Variants in PAK1 observed in about 807,000 individuals in gnomAD.
PAK1 encodes the protein p21 (RAC1) activated kinase 1.
PAK1 carries 29 observed loss-of-function variants against 67.4 expected under a neutral mutation model. The ratio of observed to expected loss-of-function variants is 0.43; its 90% CI spans 0.32 to 0.59. The LOEUF (loss-of-function observed/expected upper bound fraction) is 0.59, where lower values mean the gene tolerates loss of function less well. Ranked by LOEUF, PAK1 falls within the 20% of genes least tolerant of loss-of-function variation. The pLI is 0.07. For synonymous variants in PAK1, 223 were observed against 237.4 expected (o/e 0.94, Z 0.56); for missense variants, 337 against 670.7 (o/e 0.50, Z 5.50).
At chr11:77,511,454 T>A in the PAK1 span, among the ~76,000 whole-genome samples, 615 of 152,280 alleles carry the variant, frequency 4.0e-3, 4 homozygotes, top group Admixed American at 6.5e-3. Context: ...CAGCACTAAA[T>A]CTCAGAGATA....
intron 14 of PAK1, among the ~76,000 whole-genome samples, chr11:77,330,739 T>A (rs1207731513): frequency 1.3e-5 from 2 of 152,052 alleles, no homozygotes; most frequent in African/African-American, 4.8e-5. Context: ...GGACTTCATG[T>A]CTAAAACACC....
At chr11:77,381,899 T>G (rs1330494592) in intron 2 of PAK1, among the ~76,000 whole-genome samples, 3 of 152,166 alleles carry the variant, frequency 2.0e-5, no homozygotes, top group African/African-American at 7.2e-5. Context: ...GCAGCTGCTT[T>G]GAGAAAGAGA....
At chr11:77,451,425 C>T (rs188115016) in intron 1 of PAK1, among the ~76,000 whole-genome samples, 17 of 152,282 alleles carry the variant, frequency 1.1e-4, no homozygotes, top group Admixed American at 3.3e-4. Context: ...CATCATACCG[C>T]CTTTGTCCAA....
chr11:77,351,916 C>A (rs1945310307), intron 8 of PAK1, among the ~76,000 whole-genome samples: 1 of 151,584 alleles, frequency 6.6e-6, no homozygotes, highest in East Asian at 1.9e-4. Context: ...TTAATTTGCA[C>A]AAATCTTAAG....
chr11:77,523,582 G>A, the PAK1 span, among the ~76,000 whole-genome samples: 3 of 151,970 alleles, frequency 2.0e-5, no homozygotes, highest in African/African-American at 7.3e-5. Context: ...ACCATGTCTG[G>A]CTAATTTTTG....
At chr11:77,484,691 G>A in the PAK1 span, among the ~76,000 whole-genome samples, 1 of 152,184 alleles carries the variant, frequency 6.6e-6, no homozygotes, top group South Asian at 2.1e-4. Flanking sequence ...AACTTTGTGG[G>A]TGTCAAGAGG....
At chr11:77,342,585 T>G (rs1420194767) in intron 10 of PAK1, among the ~76,000 whole-genome samples, 1 of 152,176 alleles carries the variant, frequency 6.6e-6, no homozygotes, top group African/African-American at 2.4e-5. Context: ...AGGTACTAAC[T>G]TTCAGAGGAT....
the PAK1 span, among the ~76,000 whole-genome samples, chr11:77,524,480 G>A: frequency 6.6e-6 from 1 of 152,162 alleles, no homozygotes; most frequent in African/African-American, 2.4e-5. Flanking sequence ...TCCCTCACCA[G>A]TTTCATTCTT....
intron 1 of PAK1, among the ~76,000 whole-genome samples, chr11:77,423,969 T>C (rs1157426894): frequency 6.6e-6 from 1 of 152,108 alleles, no homozygotes; most frequent in Non-Finnish European, 1.5e-5. Context: ...CTAGTGAAAA[T>C]CAATGTACTG....
At chr11:77,401,733 A>G (rs1031051076) in intron 1 of PAK1, among the ~76,000 whole-genome samples, 1 of 152,144 alleles carries the variant, frequency 6.6e-6, no homozygotes, top group Non-Finnish European at 1.5e-5. Context: ...CACTTCCCCT[A>G]TGAAACCTTC....
the PAK1 span, chr11:77,514,927 G>A: frequency 3.9e-5 from 6 of 152,176 alleles, no homozygotes; most frequent in South Asian, 1.2e-3. Flanking sequence ...CAGACCATCC[G>A]AGGTTTCTCA....
intron 1 of PAK1, among the ~76,000 whole-genome samples, chr11:77,449,661 G>T (rs1181922735): frequency 7.6e-6 from 1 of 131,256 alleles, no homozygotes; most frequent in African/African-American, 2.8e-5. Context: ...TTGCTGGAAT[G>T]AATAATGCTT....
chr11:77,327,394 G>A (rs1448807040), intron 14 of PAK1, among the ~76,000 whole-genome samples: 1 of 152,172 alleles, frequency 6.6e-6, no homozygotes, highest in African/African-American at 2.4e-5. Flanking sequence ...GAAAGGTCGG[G>A]TTACCCACAA....
At chr11:77,447,109 T>C (rs1405526405) in intron 1 of PAK1, among the ~76,000 whole-genome samples, 4 of 152,136 alleles carry the variant, frequency 2.6e-5, no homozygotes, top group Admixed American at 6.5e-5. Context: ...TTTGTTACCT[T>C]TCTATAACAC....
chr11:77,508,321 C>T, the PAK1 span, among the ~76,000 whole-genome samples: 1 of 152,148 alleles, frequency 6.6e-6, no homozygotes, highest in Non-Finnish European at 1.5e-5. Flanking sequence ...TGGTTCAATA[C>T]CAAAACAATT....
At chr11:77,440,928 T>A (rs1331756115) in intron 1 of PAK1, among the ~76,000 whole-genome samples, 4 of 152,176 alleles carry the variant, frequency 2.6e-5, no homozygotes, top group Admixed American at 1.3e-4. Flanking sequence ...CTCCAAAAGC[T>A]AGATGGGCTT....
At chr11:77,392,198 G>C in intron 2 of PAK1, 133 bp downstream of exon 2, 1 of 654,958 alleles carries the variant, frequency 1.5e-6, no homozygotes, top group Non-Finnish European at 2.5e-6. Context: ...ACTGTAGGGA[G>C]AAAGGGAAAT....
intron 1 of PAK1, among the ~76,000 whole-genome samples, chr11:77,417,410 A>G (rs1052091826): frequency 1.2e-4 from 18 of 152,236 alleles, no homozygotes; most frequent in Non-Finnish European, 2.4e-4. Flanking sequence ...TGATATTTGG[A>G]AAAAGGCTAA....
intron 1 of PAK1, among the ~76,000 whole-genome samples, chr11:77,411,402 A>G (rs941286708): frequency 2.0e-5 from 3 of 151,802 alleles, no homozygotes; most frequent in Non-Finnish European, 4.4e-5. Flanking sequence ...CTCTTAACAC[A>G]GAAAAGCCCC....
Sources: gnomAD v4.1 joint callset for allele counts (sites outside exome capture counted in the v4.1 genomes callset) on GRCh38, gnomAD v4.1.1 for gene constraint, MANE v1.5 for transcripts, NCBI Gene and HGNC (gene_info 2026-07-23, HGNC 2026-07-21) for gene names.